ASIC1: variants seen among roughly 807,000 people sequenced by gnomAD.
The protein encoded by ASIC1 is acid sensing ion channel subunit 1.
In ASIC1, 21 loss-of-function variants were observed where a neutral mutation model predicts 63.4. The observed-to-expected ratio is 0.33, with a 90% CI of 0.23 to 0.48. The LOEUF is 0.48. Ranked by LOEUF, ASIC1 falls within the 20% of genes least tolerant of loss-of-function variation. ASIC1 has a pLI of 0.99. For synonymous variants in ASIC1, 258 were observed against 278.2 expected, an observed-to-expected ratio of 0.93 and a Z score of 0.72; for missense variants, 478 against 695.5, an observed-to-expected ratio of 0.69 and a Z score of 3.52.
chr12:50,077,922 G>C, intron 4 of ASIC1, 78 bp from the exon 5 acceptor site: 1 of 1,535,372 alleles, frequency 6.5e-7, no homozygotes, highest in Non-Finnish European at 8.8e-7. Flanking sequence ...ATTTCCAGGA[G>C]AGGTAGGATG....
chr12:50,068,848 C>T (rs1308620312), intron 3 of ASIC1, among the ~76,000 whole-genome samples: 1 of 152,026 alleles, frequency 6.6e-6, no homozygotes, highest in Non-Finnish European at 1.5e-5. Context: ...CCCCCTGTTC[C>T]GGCCCATCCC....
intron 3 of ASIC1, among the ~76,000 whole-genome samples, chr12:50,069,053 TG>T (rs1950572658): frequency 6.6e-6 from 1 of 152,158 alleles, no homozygotes; most frequent in African/African-American, 2.4e-5. Flanking sequence ...CTGAGTGACC[TG>T]GGTCCTCCCT....
At chr12:50,068,565 A>T (rs1950567514) in intron 3 of ASIC1, among the ~76,000 whole-genome samples, 1 of 152,016 alleles carries the variant, frequency 6.6e-6, no homozygotes, top group South Asian at 2.1e-4. Context: ...TTTATGTCTC[A>T]GCCCAGCTCT....
intron 3 of ASIC1, among the ~76,000 whole-genome samples, chr12:50,066,404 G>A (rs1445389274): frequency 6.6e-6 from 1 of 152,146 alleles, no homozygotes; most frequent in African/African-American, 2.4e-5. Flanking sequence ...GAGAAGCAGT[G>A]TGGAGAGGCA....
chr12:50,059,613 TG>T lies in ASIC1; in HGVS notation c.363-144del. On this transcript the variant is annotated intron_variant, in intron 2 of 11. Transcript: ENST00000447966. This position sits in a 1 kb window ranked among gnomAD's most constrained non-coding sequence, Gnocchi z 4.6. ...TTCCTCCTGTCATTTCAGACCCATGTGGTAGAGCCTCTGCATGCCCAGCTCT... is the reference window on the plus strand; with the variant it reads ...TTCCTCCTGTCATTTCAGACCCATGTGTAGAGCCTCTGCATGCCCAGCTCT... 1 of 810,120 alleles carries T rather than the reference TG, an allele frequency of 1.2e-6. No homozygotes were observed. The highest frequency in any genetic ancestry group is 1.9e-6 in the Non-Finnish European group (1 of 523,174). The allele number at this position is 810,120 out of a possible 1,614,324, so 50.2% of individuals were successfully genotyped here. A position where few individuals can be genotyped will look rare whatever the true frequency, so the allele number is the denominator to read the frequency against.
rs1409820881 is a variant in ASIC1, at chr12:50,081,709, C to G, written c.*60C>G. The G allele has an allele frequency of 3.3e-6, 5 of 1,494,050 alleles. No homozygotes were observed. The highest frequency in any genetic ancestry group is 1.9e-5 in the Admixed American group (1 of 53,868). 92.5% of individuals were successfully genotyped at this position (1,494,050 alleles called of 1,614,324 possible). On this transcript the variant is annotated 3_prime_UTR_variant, in exon 12 of 12. Transcript: ENST00000447966. Reference sequence around the variant, plus strand: ...GGAGGACTAGGAGAGCGAGGGGGCCCCCAGCTGCCTCCTCACATCTGCCCT... The same window carrying G: ...GGAGGACTAGGAGAGCGAGGGGGCCGCCAGCTGCCTCCTCACATCTGCCCT...
intron 4 of ASIC1, 93 bp downstream of exon 4, chr12:50,077,456 G>A: frequency 2.0e-6 from 3 of 1,530,800 alleles, no homozygotes; most frequent in Non-Finnish European, 2.6e-6. Context: ...CCTGGGCAGG[G>A]CCCGGGCTTT....
Position 50,078,494 on chromosome 12 carries a change from C to T in ASIC1, c.911C>T (p.Ser304Phe), listed in dbSNP as rs1326096190. 6.2e-7 allele frequency: 1 copy of T among 1,614,132 alleles called. No homozygotes were observed. Among genetic ancestry groups the T allele is most frequent in the Non-Finnish European group, 8.5e-7 (1 of 1,179,994 alleles). Residue 304 changes from serine to phenylalanine, a missense_variant, in exon 6 of 12, where the codon TCC (serine) becomes TTC (phenylalanine). Transcript: ENST00000447966. The surrounding 1 kb of genome is among the most constrained non-coding windows in gnomAD (Gnocchi z 6.0). ...GACTCGGATTTGGATTTCTTCGACT[C>T]CTACAGCATCACTGCCTGCCGCATC... is the stretch of plus-strand genomic sequence containing the variant. ...TMDSDLDFFDSYSITACRIDC... is the reference protein window; with the variant it reads ...TMDSDLDFFDFYSITACRIDC...
chr12:50,061,710 T>A (rs1347947891), intron 3 of ASIC1, among the ~76,000 whole-genome samples: 1 of 152,166 alleles, frequency 6.6e-6, no homozygotes, highest in Middle Eastern at 3.2e-3. Flanking sequence ...TTGGGCACAG[T>A]TAGTCCATAG....
intron 9 of ASIC1, chr12:50,080,810 G>A (rs544045345): frequency 1.6e-6 from 2 of 1,267,994 alleles, no homozygotes; most frequent in South Asian, 1.3e-5. Context: ...CATGAGGGAG[G>A]GGTAGGCATG....
At position 50,073,957 on chromosome 12, in the gene ASIC1, G is replaced by A. The variant is rs1053363893; in HGVS notation, c.559-3256G>A. 5.2e-6 allele frequency: 8 copies of A among 1,535,880 alleles called. No individual in the cohort carries two copies. The Admixed American group carries it at 9.8e-5, about 19-fold the overall frequency. ...CTACCCACACGTGACCCTTCTAAAC[G>A]AAGTGGCCACCACGGAGCTGGCCTT... On this transcript the variant is annotated intron_variant, in intron 3 of 11. Transcript: ENST00000447966.
Position 50,077,352 on chromosome 12 carries a change from G to T in ASIC1, c.698G>T (p.Trp233Leu), listed in dbSNP as rs749718017. Residue 233 changes from tryptophan (W) to leucine (L), a missense_variant, in exon 4 of 12, where the codon TGG (tryptophan) becomes TTG (leucine). This residue lies in a region of ASIC1 where 290 missense variants were observed against 414.9 expected (regional missense o/e 0.70). Coordinates refer to ENST00000447966, the MANE Select transcript of ASIC1 (RefSeq NM_001095.4). ...CAGCAGGACGAGTACCTGCCTGTGTGGGGGGAGACTGGTACGTCACCCACT... is the reference window on the plus strand; with the variant it reads ...CAGCAGGACGAGTACCTGCCTGTGTTGGGGGAGACTGGTACGTCACCCACT... The part of the protein sequence containing the change: ...DIQQDEYLPV[W>L]GETDETSFEA... 5.6e-6 allele frequency: 9 copies of T among 1,614,018 alleles called. No homozygotes were observed. Among genetic ancestry groups the T allele is most frequent in the Admixed American group, 3.3e-5 (2 of 60,000 alleles).
chr12:50,060,523 C>T (rs548805627), intron 3 of ASIC1, among the ~76,000 whole-genome samples: 7 of 152,314 alleles, frequency 4.6e-5, no homozygotes, highest in Non-Finnish European at 8.8e-5. Context: ...GTGTGCCATC[C>T]GCACCCCATA....
chr12:50,058,765 G>A lies in ASIC1; in HGVS notation c.-2G>A. 6.4e-7 allele frequency: 1 copy of A among 1,574,600 alleles called. No homozygotes were observed. Among genetic ancestry groups the A allele is most frequent in the Non-Finnish European group, 8.6e-7 (1 of 1,157,094 alleles). On this transcript the variant is annotated 5_prime_UTR_variant, in exon 2 of 12. Coordinates refer to ENST00000447966, the MANE Select transcript of ASIC1 (RefSeq NM_001095.4). ...TCCTCCCCCAGGATCCCCTCAACAA[G>A]GATGGAACTGAAGGCCGAGGAGGAG...
Position 50,083,439 on chromosome 12 carries a change from A to T in ASIC1, c.*1790A>T, listed in dbSNP as rs940485387. 2 of 152,546 alleles carry T rather than the reference A, an allele frequency of 1.3e-5. No individual in the cohort carries two copies. Among genetic ancestry groups the T allele is most frequent in the African/African-American group, 4.8e-5 (2 of 41,410 alleles). 9.4% of individuals were successfully genotyped at this position (152,546 alleles called of 1,614,324 possible). On this transcript the variant is annotated 3_prime_UTR_variant, in exon 12 of 12. Transcript: ENST00000447966. ...AGCAGCTGCATTGGCCTGGAGCTGG[A>T]GAGTAAGGCTGTAGGATCTTTGGAA...
At chr12:50,069,154 C>T (rs900571784) in intron 3 of ASIC1, among the ~76,000 whole-genome samples, 1 of 152,112 alleles carries the variant, frequency 6.6e-6, no homozygotes, top group Non-Finnish European at 1.5e-5. Flanking sequence ...TCTGGAATAT[C>T]CTCCCTCCTC....
intron 3 of ASIC1, chr12:50,073,656 T>C (rs982195042): frequency 4.8e-5 from 73 of 1,536,290 alleles, no homozygotes; most frequent in Admixed American, 7.8e-5. Context: ...TGGGAGATAT[T>C]TGGGGTCCCC....
chr12:50,073,499 C>A, intron 3 of ASIC1: 1 of 1,433,804 alleles, frequency 7.0e-7, no homozygotes, highest in Non-Finnish European at 9.1e-7. Context: ...CTCTGCCGGA[C>A]TCTGCCTGGA....
intron 3 of ASIC1, among the ~76,000 whole-genome samples, chr12:50,066,556 C>T (rs1342704711): frequency 6.6e-6 from 1 of 152,110 alleles, no homozygotes; most frequent in East Asian, 1.9e-4. Context: ...ACTGGCTTTC[C>T]CCAGGGTCAC....
Sources: allele counts gnomAD v4.1 joint callset (sites outside exome capture counted in the v4.1 genomes callset), GRCh38; gene constraint gnomAD v4.1.1; regional missense constraint gnomAD v4.1.1; non-coding constraint Gnocchi (gnomAD v3.1); transcripts MANE v1.5; gene names NCBI Gene and HGNC (gene_info 2026-07-23, HGNC 2026-07-21).